CREB1: variants seen among roughly 807,000 people sequenced by gnomAD.
CREB1 encodes the protein cAMP responsive element binding protein 1, also known as cyclic AMP-responsive element-binding protein 1.
In CREB1, 2 loss-of-function variants were observed where a neutral mutation model predicts 42.0. The observed-to-expected ratio is 0.05, with a 90% CI of 0.02 to 0.15. The LOEUF is 0.15. Among genes scored for constraint, CREB1 ranks in the 10% least tolerant of loss-of-function variants. CREB1 has a pLI of 1.00. For missense variants in CREB1, 199 were observed against 388.9 expected (o/e 0.51, Z 4.11); for synonymous variants, 123 against 139.9 (o/e 0.88, Z 0.85).
intron 2 of CREB1, 79 bp downstream of exon 2, chr2:207,555,828 C>A: frequency 3.8e-6 from 3 of 789,016 alleles, no homozygotes; most frequent in South Asian, 1.6e-5. Flanking sequence ...GTTGTTATTA[C>A]ATAGATATAC....
chr2:207,596,584 C>A (rs1394058925), intron 7 of CREB1, among the ~76,000 whole-genome samples: 1 of 152,186 alleles, frequency 6.6e-6, no homozygotes, highest in African/African-American at 2.4e-5. Context: ...CAGGCATGTG[C>A]CGCCACACCC....
At chr2:207,561,191 C>T in intron 3 of CREB1, 2 of 1,559,284 alleles carry the variant, frequency 1.3e-6, no homozygotes, top group South Asian at 1.1e-5. Flanking sequence ...TTGGAGAGAA[C>T]TATTATTAGA....
intron 3 of CREB1, among the ~76,000 whole-genome samples, chr2:207,562,949 C>T (rs541945309): frequency 6.6e-6 from 1 of 152,288 alleles, no homozygotes; most frequent in East Asian, 1.9e-4. Flanking sequence ...GCAAATAATA[C>T]TTCTCTGTTC....
chr2:207,590,895 T>C (rs1041065474), intron 7 of CREB1, among the ~76,000 whole-genome samples: 1 of 152,224 alleles, frequency 6.6e-6, no homozygotes, highest in Non-Finnish European at 1.5e-5. Flanking sequence ...TTGGTTTAGC[T>C]GTGTCCCACA....
intron 2 of CREB1, among the ~76,000 whole-genome samples, chr2:207,556,912 G>A (rs1194599213): frequency 2.0e-5 from 3 of 152,152 alleles, no homozygotes; most frequent in Admixed American, 1.3e-4. Context: ...TGAGGCGAGC[G>A]AATCACTTGA....
rs184610034 is a variant in CREB1 at position 207,598,546 on chromosome 2, G to T, written c.*1488G>T. ...AAATTGGAAACTGACATAATGTTAG[G>T]TTATAATTTCTCATTTGGAGCCGGG... On this transcript the variant is annotated 3_prime_UTR_variant, in exon 8 of 8. Coordinates refer to ENST00000353267, the MANE Select transcript of CREB1 (RefSeq NM_004379.5). The T allele has an allele frequency of 4.2e-4, 75 of 177,496 alleles. No individual in the cohort carries two copies. The highest frequency in any genetic ancestry group is 2.2e-3 in the Middle Eastern group (1 of 454). The allele number at this position is 177,496 out of a possible 1,614,324, so 11.0% of individuals were successfully genotyped here.
chr2:207,586,682 A>G (rs2106635128), intron 7 of CREB1, among the ~76,000 whole-genome samples: 1 of 152,372 alleles, frequency 6.6e-6, no homozygotes, highest in African/African-American at 2.4e-5. Flanking sequence ...TAACCAGGAT[A>G]TATAAGGAAC....
At chr2:207,533,479 A>T (rs569190989) in intron 1 of CREB1, among the ~76,000 whole-genome samples, 1 of 152,308 alleles carries the variant, frequency 6.6e-6, no homozygotes, top group South Asian at 2.1e-4. Flanking sequence ...TATAACAGAA[A>T]ATTATTTTTA....
intron 7 of CREB1, 72 bp from the exon 8 acceptor site, chr2:207,596,839 GAAA>G (rs72094349): frequency 5.1e-6 from 7 of 1,363,620 alleles, no homozygotes; most frequent in Admixed American, 2.5e-5. Context: ...CTTTAAAAAA[GAAA>G]AAAAAAAGGT....
At chr2:207,560,203 C>G in intron 2 of CREB1, 23 bp from the exon 3 acceptor site, 1 of 1,537,350 alleles carries the variant, frequency 6.5e-7, no homozygotes, top group East Asian at 2.3e-5. Flanking sequence ...GATGATAATT[C>G]TTTTCTGTGT....
intron 1 of CREB1, among the ~76,000 whole-genome samples, chr2:207,533,336 T>G (rs1437551510): frequency 6.6e-6 from 1 of 152,178 alleles, no homozygotes; most frequent in Non-Finnish European, 1.5e-5. Flanking sequence ...AAATTTTGGG[T>G]TCTTCATAGA....
chr2:207,601,341 C>G lies in CREB1; in HGVS notation c.*4283C>G, dbSNP rs1446573310. 1 of 185,934 alleles carries G rather than the reference C, an allele frequency of 5.4e-6. No homozygotes were observed. Among genetic ancestry groups the G allele is most frequent in the Non-Finnish European group, 1.1e-5 (1 of 87,834 alleles). 11.5% of individuals were successfully genotyped at this position (185,934 alleles called of 1,614,324 possible). ...TTCTCAACTTTTTAGTCTTTCTCCT[C>G]TCTTCAAATCATGTGACTTTTTAAA... On this transcript the variant is annotated 3_prime_UTR_variant, in exon 8 of 8. Transcript: ENST00000353267.
intron 5 of CREB1, among the ~76,000 whole-genome samples, chr2:207,571,097 GT>G (rs1305846230): frequency 3.0e-5 from 2 of 67,250 alleles, no homozygotes; most frequent in African/African-American, 4.1e-5. Context: ...ATTAAACCTG[GT>G]GCTGCCCATT....
chr2:207,543,962 C>G (rs1009238344), intron 1 of CREB1, among the ~76,000 whole-genome samples: 1 of 151,620 alleles, frequency 6.6e-6, no homozygotes, highest in African/African-American at 2.4e-5. Context: ...CTGTGTTGTG[C>G]AGGCTGGAGT....
intron 1 of CREB1, among the ~76,000 whole-genome samples, chr2:207,544,384 A>G (rs190226373): frequency 1.4e-4 from 21 of 152,236 alleles, no homozygotes; most frequent in South Asian, 4.1e-4. Flanking sequence ...TTGTATTCCT[A>G]CCATTTCCAA....
intron 2 of CREB1, among the ~76,000 whole-genome samples, chr2:207,557,160 G>T (rs2081762314): frequency 6.6e-6 from 1 of 151,682 alleles, no homozygotes. Flanking sequence ...AAGATGCAAT[G>T]CCAGCAGGCT....
chr2:207,560,738 AT>A (rs2081926464), intron 3 of CREB1, among the ~76,000 whole-genome samples: 1 of 152,216 alleles, frequency 6.6e-6, no homozygotes, highest in Non-Finnish European at 1.5e-5. Flanking sequence ...GGAGAAAAAT[AT>A]ACCCTTGATC....
chr2:207,590,474 AT>A (rs1189242706), intron 7 of CREB1, among the ~76,000 whole-genome samples: 2 of 149,082 alleles, frequency 1.3e-5, no homozygotes, highest in Admixed American at 6.7e-5. Context: ...GATCTTTGTT[AT>A]TTTCTCCTGC....
At chr2:207,573,172 A>G (rs1559046862) in intron 5 of CREB1, among the ~76,000 whole-genome samples, 2 of 152,282 alleles carry the variant, frequency 1.3e-5, no homozygotes, top group East Asian at 3.9e-4. Context: ...CAATTGTTTT[A>G]TATAACTAAG....
Sources: gnomAD v4.1 joint callset for allele counts (sites outside exome capture counted in the v4.1 genomes callset) on GRCh38, gnomAD v4.1.1 for gene constraint, MANE v1.5 for transcripts, NCBI Gene and HGNC (gene_info 2026-07-23, HGNC 2026-07-21) for gene names.